The following GRIN2D variants were observed in gnomAD, a reference collection of about 807,000 sequenced individuals.
The protein encoded by GRIN2D is glutamate receptor ionotropic, NMDA 2D.
GRIN2D carries 37 observed loss-of-function variants against 103.2 expected under a neutral mutation model. That is an observed-to-expected ratio of 0.36 (90% confidence interval 0.28 to 0.47). The LOEUF is 0.47. GRIN2D is among the 20% of genes least tolerant of loss of function. The pLI, the probability that GRIN2D is intolerant of heterozygous loss-of-function variation, is 1.00. For missense variants in GRIN2D, 1,557 were observed against 1,910.6 expected (o/e 0.81, Z 3.45); for synonymous variants, 845 against 885.6 (o/e 0.95, Z 0.81).
At position 48,416,013 on chromosome 19, in the gene GRIN2D, G is replaced by C; in HGVS notation, c.1593G>C (p.Gln531His). ...CGCCCCCACCCCAGGTGTTCTACCA[G>C]CGCGCAGACATGGCCATCGGCTCCC... The part of the protein sequence containing the change: ...WNGMIGEVFY[Q>H]RADMAIGSLT... The change falls in exon 8 of 14, where the codon CAG (glutamine) becomes CAC (histidine). Residue 531 changes from glutamine to histidine, a missense_variant. By Grantham distance (24) the Gln-to-His change is conservative (BLOSUM62 0). This residue lies in a region of GRIN2D where 197 missense variants were observed against 334.1 expected (regional missense o/e 0.59). Transcript: ENST00000263269. The C allele has an allele frequency of 6.2e-7, 1 of 1,613,642 alleles. No homozygotes were observed. The highest frequency in any genetic ancestry group is 1.3e-5 in the African/African-American group (1 of 75,012).
chr19:48,438,979 T>C (rs1971262447), intron 11 of GRIN2D, among the ~76,000 whole-genome samples: 1 of 148,146 alleles, frequency 6.8e-6, no homozygotes. Context: ...AGGGTATCAC[T>C]ATGTGGCCCA....
At position 48,419,111 on chromosome 19, in the gene GRIN2D, T is replaced by G. The variant is rs934020297; in HGVS notation, c.1736-123T>G. On this transcript the variant is annotated intron_variant, in intron 8 of 13. Transcript: ENST00000263269. ...CCAGTCTGGTCTTGAACTCCAGGCG[T>G]CAAGTGATCCTCCTGCCTCAGCCTC... 1.2e-5 allele frequency: 9 copies of G among 742,146 alleles called. No individual in the cohort carries two copies. The Admixed American group carries it at 2.6e-4, about 21-fold the overall frequency. The allele number at this position is 742,146 out of a possible 1,614,324, so 46.0% of individuals were successfully genotyped here. A position where few individuals can be genotyped will look rare whatever the true frequency, so the allele number is the denominator to read the frequency against.
intron 3 of GRIN2D, among the ~76,000 whole-genome samples, chr19:48,402,516 G>A (rs1958752701): frequency 1.3e-5 from 2 of 151,734 alleles, no homozygotes; most frequent in African/African-American, 2.4e-5. Context: ...AGGAGATCGA[G>A]ACCATCCTGG....
chr19:48,419,488 G>C (rs1970989853), intron 9 of GRIN2D, 97 bp from the exon 10 acceptor site: 1 of 1,360,596 alleles, frequency 7.3e-7, no homozygotes, highest in Non-Finnish European at 1.0e-6. Flanking sequence ...CAGATGCCTT[G>C]AGGGCCACTG....
rs1471792605 is a variant in GRIN2D at position 48,442,775 on chromosome 19, G to A, written c.2849G>A (p.Gly950Glu). The A allele has an allele frequency of 1.9e-6, 2 of 1,068,688 alleles. No homozygotes were observed. Among genetic ancestry groups the A allele is most frequent in the Non-Finnish European group, 2.3e-6 (2 of 885,340 alleles). The allele number at this position is 1,068,688 out of a possible 1,614,324, so 66.2% of individuals were successfully genotyped here. ...CGCTGGCGCCGGACCAAGGGCGCGGGGCCGCCGGGGGGCGCGGGCCTGGCC... is the reference window on the plus strand; with the variant it reads ...CGCTGGCGCCGGACCAAGGGCGCGGAGCCGCCGGGGGGCGCGGGCCTGGCC... ...VDRWRRTKGA[G>E]PPGGAGLADG... The change falls in exon 14 of 14, where the codon GGG becomes GAG. Residue 950 changes from glycine (G) to glutamate (E), a missense_variant. Around this residue, in one of 7 missense-constraint regions of GRIN2D, gnomAD observed 632 missense variants for 572.8 expected, o/e 1.10. Transcript: ENST00000263269. The surrounding 1 kb of genome is among the most constrained non-coding windows in gnomAD (Gnocchi z 7.2).
At chr19:48,419,453 C>CA in intron 9 of GRIN2D, 94 bp downstream of exon 9, 1 of 1,461,734 alleles carries the variant, frequency 6.8e-7, no homozygotes. Flanking sequence ...GGGGGGCGGT[C>CA]AAGCTAGGGC....
In GRIN2D at chr19:48,441,750, C is replaced by A; in HGVS notation, c.2253-19C>A. 6.3e-7 allele frequency: 1 copy of A among 1,599,554 alleles called. No individual in the cohort carries two copies. On this transcript the variant is annotated intron_variant, in intron 11 of 13. Coordinates refer to ENST00000263269, the MANE Select transcript of GRIN2D (RefSeq NM_000836.4). ...ATCTAGGTGGGACTGACCCTACCCTCCATTCCCCCTCCCCCCAGGAAGCTG... is the reference window on the plus strand; with the variant it reads ...ATCTAGGTGGGACTGACCCTACCCTACATTCCCCCTCCCCCCAGGAAGCTG...
chr19:48,400,901 G>A (rs529535874), intron 3 of GRIN2D, among the ~76,000 whole-genome samples: 2 of 151,914 alleles, frequency 1.3e-5, no homozygotes, highest in Non-Finnish European at 2.9e-5. Context: ...CCCCATCTCT[G>A]CTGAAAATAT....
Position 48,414,197 on chromosome 19 carries a change from A to C in GRIN2D, c.1200+92A>C, listed in dbSNP as rs895078870. On this transcript the variant is annotated intron_variant, in intron 5 of 13. Transcript: ENST00000263269. The surrounding 1 kb of genome is among the most constrained non-coding windows in gnomAD (Gnocchi z 4.6). ...GGCTTGAGGTCGTGGACTAAGAGGG[A>C]GGAGGGGACAAGGAGCCTGGACTCC... The C allele has an allele frequency of 4.3e-6, 4 of 919,854 alleles. No individual in the cohort carries two copies. The highest frequency in any genetic ancestry group is 4.7e-4 in the Middle Eastern group (2 of 4,286). The allele number at this position is 919,854 out of a possible 1,614,324, so 57.0% of individuals were successfully genotyped here.
chr19:48,436,924 T>C (rs1467236111), intron 11 of GRIN2D, among the ~76,000 whole-genome samples: 1 of 151,960 alleles, frequency 6.6e-6, no homozygotes, highest in Non-Finnish European at 1.5e-5. Flanking sequence ...CTCGAGGTGA[T>C]CCAAGTCACT....
chr19:48,423,330 A>G (rs879713355), intron 11 of GRIN2D, among the ~76,000 whole-genome samples: 10 of 152,290 alleles, frequency 6.6e-5, no homozygotes, highest in Admixed American at 3.3e-4. Flanking sequence ...TTCCGTGTGC[A>G]TTTTTCTTAT....
At chr19:48,403,469 A>T (rs935111601) in intron 3 of GRIN2D, among the ~76,000 whole-genome samples, 5 of 152,180 alleles carry the variant, frequency 3.3e-5, no homozygotes, top group African/African-American at 1.2e-4. Context: ...TTGATTCAGG[A>T]TAAATTTTAT....
chr19:48,426,224 C>CTTTTTTTTTTTTTTCTTTTTTTTTTTTTT (rs1555893888), intron 11 of GRIN2D, among the ~76,000 whole-genome samples: 1 of 120,120 alleles, frequency 8.3e-6, no homozygotes, highest in African/African-American at 3.6e-5. Context: ...TTCTTTCTTT[C>CTTTTTTTTTTTTTTCTTTTTTTTTTTTTT]TTTTTTTTTT....
rs904509990 is a variant in GRIN2D, at chr19:48,443,655, C to G, written c.3729C>G (p.Pro1243=). Residue 1243 remains proline, a synonymous_variant, in exon 14 of 14, where the codon CCC becomes CCG. Coordinates refer to ENST00000263269, the MANE Select transcript of GRIN2D (RefSeq NM_000836.4). This position sits in a 1 kb window ranked among gnomAD's most constrained non-coding sequence, Gnocchi z 8.9. The part of the protein sequence containing the change: ...PHRPRASHRT[P]AAAAPHHHRH... ...GCCCGCGGGCCTCGCACCGCACGCC[C>G]GCCGCCGCCGCGCCCCACCACCACA... 2.5e-4 allele frequency: 277 copies of G among 1,113,692 alleles called. 1 individual carries two copies. The African/African-American group carries it at 4.5e-3, about 18-fold the overall frequency. 69.0% of individuals were successfully genotyped at this position (1,113,692 alleles called of 1,614,324 possible).
rs537112776 is a variant in GRIN2D, at chr19:48,425,367, G to A, written c.2252+3422G>A. On this transcript the variant is annotated intron_variant, in intron 11 of 13. Transcript: ENST00000263269. The stretch of plus-strand genomic sequence containing the variant: ...AGCGATTCTCCTGCCTCAGCCTCCC[G>A]AGTATTTGGGATTACAGGCATATAC... 1.2e-4 allele frequency among the ~76,000 whole-genome samples: 18 copies of A among 152,194 alleles called. 1 individual carries two copies. The highest frequency in any genetic ancestry group is 7.9e-4 in the Admixed American group (12 of 15,260).
rs1358060229 is a variant in GRIN2D, at chr19:48,419,579, C to T, written c.1862-6C>T. 1 of 1,606,880 alleles carries T rather than the reference C, an allele frequency of 6.2e-7. No individual in the cohort carries two copies. Among genetic ancestry groups the T allele is most frequent in the Non-Finnish European group, 8.5e-7 (1 of 1,174,116 alleles). On this transcript the variant is annotated splice_region_variant and splice_polypyrimidine_tract_variant and intron_variant, in intron 9 of 13. Coordinates refer to ENST00000263269, the MANE Select transcript of GRIN2D (RefSeq NM_000836.4). ...GGGTCCATGTCCACGTCCTGGCCCC[C>T]TGCAGGCCCTGGCGGTTCAACCTTC... is the stretch of plus-strand genomic sequence containing the variant.
chr19:48,431,880 C>T (rs185859699), intron 11 of GRIN2D, among the ~76,000 whole-genome samples: 4 of 151,706 alleles, frequency 2.6e-5, no homozygotes, highest in Non-Finnish European at 5.9e-5. Flanking sequence ...CCACCGCGCC[C>T]GGCCTGCTTT....
At position 48,443,469 on chromosome 19, in the gene GRIN2D, G is replaced by A; in HGVS notation, c.3543G>A (p.Arg1181=). The A allele has an allele frequency of 7.2e-7, 1 of 1,383,444 alleles. No individual in the cohort carries two copies. Among genetic ancestry groups the A allele is most frequent in the Non-Finnish European group, 9.3e-7 (1 of 1,071,390 alleles). The allele number at this position is 1,383,444 out of a possible 1,614,324, so 85.7% of individuals were successfully genotyped here. The change falls in exon 14 of 14, where the codon CGG becomes CGA. Residue 1181 remains arginine, a synonymous_variant. Transcript: ENST00000263269. This position sits in a 1 kb window ranked among gnomAD's most constrained non-coding sequence, Gnocchi z 8.9. The part of the protein sequence containing the change: ...PRSGPAAWHC[R]HCASLELLPP... ...GCGGTCCGGCCGCCTGGCACTGTCGGCACTGCGCCAGCCTGGAGCTGCTGC... is the reference window on the plus strand; with the variant it reads ...GCGGTCCGGCCGCCTGGCACTGTCGACACTGCGCCAGCCTGGAGCTGCTGC...
intron 11 of GRIN2D, among the ~76,000 whole-genome samples, chr19:48,431,390 G>A (rs1031166101): frequency 3.9e-5 from 6 of 152,040 alleles, no homozygotes; most frequent in Non-Finnish European, 7.4e-5. Flanking sequence ...AGTCAGGCTG[G>A]GTATAGAATT....
Sources: allele counts gnomAD v4.1 joint callset (sites outside exome capture counted in the v4.1 genomes callset), GRCh38; gene constraint gnomAD v4.1.1; regional missense constraint gnomAD v4.1.1; non-coding constraint Gnocchi (gnomAD v3.1); transcripts MANE v1.5; gene names NCBI Gene and HGNC (gene_info 2026-07-23, HGNC 2026-07-21).